MARCHF1: variants seen among roughly 807,000 people sequenced by gnomAD.
MARCHF1 encodes membrane associated ring-CH-type finger 1.
Under a neutral mutation model 54.2 loss-of-function variants are expected in MARCHF1, and 40 were observed. The observed-to-expected ratio is 0.74, with a 90% CI of 0.57 to 0.96. The LOEUF is 0.96. Ranked by LOEUF, MARCHF1 falls within the 40% of genes least tolerant of loss-of-function variation. The pLI, the probability that MARCHF1 is intolerant of heterozygous loss-of-function variation, is 0.00. For missense variants in MARCHF1, 586 were observed against 656.5 expected (o/e 0.89, Z 1.17); for synonymous variants, 236 against 236.3 (o/e 1.00, Z 0.01).
At chr4:163,549,554 T>A (rs766000642) in intron 8 of MARCHF1, among the ~76,000 whole-genome samples, 2 of 152,232 alleles carry the variant, frequency 1.3e-5, no homozygotes, top group Non-Finnish European at 2.9e-5. Context: ...AGATGGGGGA[T>A]GAGCTAAGAT....
In MARCHF1 at chr4:163,528,651, G is replaced by T; in HGVS notation, c.*97C>A. ...AATGTGTCAGTAGGAGAAAGGAGGA[G>T]CTGAAGGGAGTAAATAATTCAAGAT... On this transcript the variant is annotated 3_prime_UTR_variant, in exon 10 of 10. Transcript: ENST00000514618. The T allele has an allele frequency of 1.6e-6, 2 of 1,256,430 alleles. No individual in the cohort carries two copies. The highest frequency in any genetic ancestry group is 2.2e-6 in the Non-Finnish European group (2 of 905,356). The allele number at this position is 1,256,430 out of a possible 1,614,324, so 77.8% of individuals were successfully genotyped here.
chr4:164,372,712 T>C (rs1300156212), intron 1 of MARCHF1, among the ~76,000 whole-genome samples: 1 of 152,110 alleles, frequency 6.6e-6, no homozygotes, highest in African/African-American at 2.4e-5. Flanking sequence ...AATTATACAA[T>C]TAACTTATTT....
At chr4:163,544,710 C>CT (rs1738837496) in intron 9 of MARCHF1, among the ~76,000 whole-genome samples, 1 of 151,910 alleles carries the variant, frequency 6.6e-6, no homozygotes, top group Non-Finnish European at 1.5e-5. Context: ...TACCTCCTCT[C>CT]TTTTTTTGTT....
chr4:164,281,691 C>T (rs950293937), intron 1 of MARCHF1, among the ~76,000 whole-genome samples: 12 of 152,206 alleles, frequency 7.9e-5, no homozygotes, highest in African/African-American at 2.9e-4. Context: ...TCTTGAAGAA[C>T]CTGAATAACA....
At chr4:163,939,731 C>T (rs1244693186) in intron 3 of MARCHF1, among the ~76,000 whole-genome samples, 1 of 152,142 alleles carries the variant, frequency 6.6e-6, no homozygotes, top group Admixed American at 6.6e-5. Flanking sequence ...GAAAGATGGC[C>T]TTTTGACACT....
chr4:164,138,415 T>C lies in MARCHF1; in HGVS notation c.-322-26753A>G, dbSNP rs116730791. ...TGAGCCAAAGAAGAGTGAGATCCTGTGACCAGAAGTAGGAGCAAGGGAGCT... is the reference window on the plus strand; with the variant it reads ...TGAGCCAAAGAAGAGTGAGATCCTGCGACCAGAAGTAGGAGCAAGGGAGCT... On this transcript the variant is annotated intron_variant, in intron 1 of 9. Transcript: ENST00000514618. Among the ~76,000 whole-genome samples, 719 of 152,228 alleles carry C rather than the reference T, an allele frequency of 4.7e-3. 8 individuals are homozygous for C. Among genetic ancestry groups the C allele is most frequent in the African/African-American group, 0.016 (662 of 41,542 alleles).
chr4:163,747,728 G>A (rs1746403069), intron 4 of MARCHF1, among the ~76,000 whole-genome samples: 2 of 152,182 alleles, frequency 1.3e-5, no homozygotes, highest in East Asian at 3.8e-4. Context: ...CCACTGATAA[G>A]AGAATTAGTT....
chr4:164,120,762 A>G (rs1756049595), intron 1 of MARCHF1, among the ~76,000 whole-genome samples: 1 of 152,200 alleles, frequency 6.6e-6, no homozygotes, highest in African/African-American at 2.4e-5. Flanking sequence ...TTAAGAAGGA[A>G]ATAAAACATT....
intron 3 of MARCHF1, 131 bp downstream of exon 3, chr4:163,988,370 C>T (rs939076838): frequency 1.3e-5 from 2 of 152,226 alleles, no homozygotes; most frequent in African/African-American, 4.8e-5. Context: ...AATTCTCTTC[C>T]AATCTACTGT....
intron 5 of MARCHF1, among the ~76,000 whole-genome samples, chr4:163,696,137 T>G (rs1324625970): frequency 6.6e-6 from 1 of 152,134 alleles, no homozygotes; most frequent in Non-Finnish European, 1.5e-5. Context: ...TTATATTTAC[T>G]AAGACAAACT....
At chr4:164,127,374 A>G (rs1756206986) in intron 1 of MARCHF1, among the ~76,000 whole-genome samples, 1 of 152,232 alleles carries the variant, frequency 6.6e-6, no homozygotes, top group Non-Finnish European at 1.5e-5. Context: ...CAGCCTGTCC[A>G]TGTTGAAAGA....
intron 4 of MARCHF1, among the ~76,000 whole-genome samples, chr4:163,852,642 C>G (rs990024899): frequency 1.3e-5 from 2 of 152,104 alleles, no homozygotes; most frequent in Admixed American, 1.3e-4. Context: ...CTCTCCATAC[C>G]TTCAGCCCTC....
intron 8 of MARCHF1, chr4:163,555,811 TG>T: frequency 2.7e-6 from 1 of 367,858 alleles, no homozygotes; most frequent in Admixed American, 3.0e-5. Flanking sequence ...ATGTTTTCCC[TG>T]GAAGCCCATT....
intron 4 of MARCHF1, among the ~76,000 whole-genome samples, chr4:163,827,721 A>G (rs1422069797): frequency 1.3e-5 from 2 of 152,132 alleles, no homozygotes; most frequent in African/African-American, 2.4e-5. Context: ...TGTAAGTTAC[A>G]GGTAATATTA....
At chr4:164,162,785 A>G (rs1329426217) in intron 1 of MARCHF1, among the ~76,000 whole-genome samples, 2 of 152,164 alleles carry the variant, frequency 1.3e-5, no homozygotes, top group African/African-American at 4.8e-5. Flanking sequence ...AGCTCAGGAA[A>G]TTCAAAGCAG....
At chr4:163,865,574 T>C (rs1750029539) in intron 3 of MARCHF1, among the ~76,000 whole-genome samples, 1 of 151,874 alleles carries the variant, frequency 6.6e-6, no homozygotes. Context: ...TCTGTCATAC[T>C]CTTTGAGTTG....
chr4:164,181,619 TATA>T (rs1730836283), intron 1 of MARCHF1, among the ~76,000 whole-genome samples: 1 of 152,180 alleles, frequency 6.6e-6, no homozygotes, highest in Non-Finnish European at 1.5e-5. Context: ...ATAACTTTTC[TATA>T]ATGAGCAGTG....
chr4:164,322,974 A>T (rs557824051), intron 1 of MARCHF1, among the ~76,000 whole-genome samples: 1 of 152,106 alleles, frequency 6.6e-6, no homozygotes, highest in South Asian at 2.1e-4. Flanking sequence ...CAATTTAAAA[A>T]ATAGAATAAA....
At chr4:163,839,517 T>C (rs1412087714) in intron 4 of MARCHF1, among the ~76,000 whole-genome samples, 1 of 152,040 alleles carries the variant, frequency 6.6e-6, no homozygotes, top group African/African-American at 2.4e-5. Flanking sequence ...CAACGAAATA[T>C]TATTAACAAC....
Sources: allele counts gnomAD v4.1 joint callset (sites outside exome capture counted in the v4.1 genomes callset), GRCh38; gene constraint gnomAD v4.1.1; transcripts MANE v1.5; gene names NCBI Gene and HGNC (gene_info 2026-07-23, HGNC 2026-07-21).